The following ATR variants were observed in gnomAD, a reference collection of about 807,000 sequenced individuals.
ATR encodes the protein serine/threonine-protein kinase ATR.
ATR carries 142 observed loss-of-function variants against 305.3 expected under a neutral mutation model. That is an observed-to-expected ratio of 0.47 (90% CI 0.41 to 0.53). The LOEUF is 0.53. Among genes scored for constraint, ATR ranks in the 20% least tolerant of loss-of-function variants. The pLI is 0.00. For synonymous variants in ATR, 1,050 were observed against 1,068.1 expected (o/e 0.98, Z 0.33); for missense variants, 2,135 against 3,133.1 (o/e 0.68, Z 7.60).
At chr3:142,524,350 G>T (rs1046251186) in intron 21 of ATR, 151 bp from the exon 22 acceptor site, 3 of 712,440 alleles carry the variant, frequency 4.2e-6, no homozygotes, top group African/African-American at 3.6e-5. Context: ...GCTAGTTTTT[G>T]ATGAGTTCAC....
In ATR at chr3:142,562,464, A is replaced by C; in HGVS notation, c.938T>G (p.Ile313Ser). The C allele has an allele frequency of 6.2e-7, 1 of 1,614,144 alleles. No individual in the cohort carries two copies. Among genetic ancestry groups the C allele is most frequent in the Non-Finnish European group, 8.5e-7 (1 of 1,179,982 alleles). Reference sequence around the variant, plus strand: ...CAGCATATTTAAATAGACAGGTTCAATATTTCTATAAGCTTCTGCTTCAAA... The same window carrying C: ...CAGCATATTTAAATAGACAGGTTCACTATTTCTATAAGCTTCTGCTTCAAA... ...FPFEAEAYRN[I>S]EPVYLNMLLE... The change falls in exon 4 of 47, where the codon ATT becomes AGT. Residue 313 changes from isoleucine to serine, a missense_variant. Around this residue, in one of 9 missense-constraint regions of ATR, gnomAD observed 744 missense variants for 873.2 expected, o/e 0.85. Coordinates refer to ENST00000350721, the MANE Select transcript of ATR (RefSeq NM_001184.4).
chr3:142,469,105 T>C (rs1044708633), intron 38 of ATR, among the ~76,000 whole-genome samples: 1 of 152,210 alleles, frequency 6.6e-6, no homozygotes, highest in Non-Finnish European at 1.5e-5. Context: ...AGAAAACACA[T>C]GCTGAATTAT....
Position 142,562,252 on chromosome 3 carries a change from C to T in ATR, c.1150G>A (p.Gly384Arg). The T allele has an allele frequency of 6.2e-7, 1 of 1,614,026 alleles. No homozygotes were observed. The highest frequency in any genetic ancestry group is 8.5e-7 in the Non-Finnish European group (1 of 1,179,974). ...NICKALLDVL[G>R]IEVDAEYLLG... Reference sequence around the variant, plus strand: ...CTTACCTCTGCATCTACCTCAATTCCAAGCACATCCAAAAGAGCTTTACAA... The same window carrying T: ...CTTACCTCTGCATCTACCTCAATTCTAAGCACATCCAAAAGAGCTTTACAA... Residue 384 changes from glycine to arginine, a missense_variant, in exon 4 of 47, where the codon GGA (glycine) becomes AGA (arginine). Physicochemically the swap from Gly to Arg is moderately radical, Grantham distance 125. Coordinates refer to ENST00000350721, the MANE Select transcript of ATR (RefSeq NM_001184.4).
chr3:142,452,900 G>T (rs2070823640), intron 46 of ATR: 1 of 1,374,048 alleles, frequency 7.3e-7, no homozygotes, highest in Non-Finnish European at 9.4e-7. Context: ...GGTTAAACAA[G>T]TGTGCCATGA....
At chr3:142,575,808 GGTCA>G (rs1257761177) in intron 1 of ATR, among the ~76,000 whole-genome samples, 1 of 152,190 alleles carries the variant, frequency 6.6e-6, no homozygotes, top group Non-Finnish European at 1.5e-5. Context: ...GGAGAAACAA[GGTCA>G]GTATCACTAG....
At chr3:142,577,472 TA>T (rs1161421778) in intron 1 of ATR, among the ~76,000 whole-genome samples, 1 of 152,204 alleles carries the variant, frequency 6.6e-6, no homozygotes, top group Non-Finnish European at 1.5e-5. Flanking sequence ...TTTTATAAAC[TA>T]AACACAAAGT....
intron 5 of ATR, 120 bp downstream of exon 5, chr3:142,561,123 C>T: frequency 5.3e-6 from 6 of 1,137,788 alleles, no homozygotes; most frequent in Non-Finnish European, 6.4e-6. Flanking sequence ...ACTCCCTTGG[C>T]TACATTTAGA....
At position 142,524,182 on chromosome 3, in the gene ATR, A is replaced by G. The variant is rs1295861951; in HGVS notation, c.3963T>C (p.Tyr1321=). The change falls in exon 22 of 47, where the codon TAT becomes TAC. Residue 1321 remains tyrosine, a synonymous_variant. Coordinates refer to ENST00000350721, the MANE Select transcript of ATR (RefSeq NM_001184.4). ...LYKNQEKLIK[Y]ATDSETVEPI... is the part of the protein sequence containing the mutation. ...GTTCTACTGTTTCACTGTCTGTTGC[A>G]TACTTTATCAGTTTTTCCTAAAATA... is the stretch of plus-strand genomic sequence containing the variant. 13 of 1,613,374 alleles carry G rather than the reference A, an allele frequency of 8.1e-6. No homozygotes were observed. The highest frequency in any genetic ancestry group is 2.7e-5 in the African/African-American group (2 of 74,926).
intron 21 of ATR, among the ~76,000 whole-genome samples, chr3:142,533,955 G>A (rs2033757912): frequency 6.6e-6 from 1 of 151,756 alleles, no homozygotes; most frequent in East Asian, 1.9e-4. Flanking sequence ...AAATCTTCTT[G>A]AATTCTCAGA....
intron 27 of ATR, 74 bp from the exon 28 acceptor site, chr3:142,508,183 G>T: frequency 7.8e-7 from 1 of 1,289,230 alleles, no homozygotes; most frequent in Non-Finnish European, 1.1e-6. Context: ...AAGTATTTAA[G>T]TTCAATTTAT....
intron 24 of ATR, among the ~76,000 whole-genome samples, chr3:142,518,802 G>T (rs1021006385): frequency 2.6e-5 from 4 of 152,010 alleles, no homozygotes; most frequent in African/African-American, 9.7e-5. Flanking sequence ...TTTCTAAATA[G>T]AAATAATTTA....
chr3:142,571,362 A>G (rs1027097702), intron 1 of ATR, among the ~76,000 whole-genome samples: 9 of 152,172 alleles, frequency 5.9e-5, no homozygotes, highest in African/African-American at 1.9e-4. Flanking sequence ...GCTGCTCAGG[A>G]GGCTGAGGCA....
At position 142,513,563 on chromosome 3, in the gene ATR, A is replaced by G. The variant is rs760453297; in HGVS notation, c.4579T>C (p.Tyr1527His). Residue 1527 changes from tyrosine to histidine, a missense_variant, in exon 26 of 47, where the codon TAT (tyrosine) becomes CAT (histidine). Physicochemically the swap from Tyr to His is moderately conservative, Grantham distance 83 (BLOSUM62 2). Coordinates refer to ENST00000350721, the MANE Select transcript of ATR (RefSeq NM_001184.4). ...TACACCAGAATATGTGGAAGAAGAT[A>G]GATGGTCACTTTGAAATCATGCTTC... Reference protein sequence around the residue: ...MMKHDFKVTIYLLPHILVYVL... With the variant: ...MMKHDFKVTIHLLPHILVYVL... 2.0e-5 allele frequency: 32 copies of G among 1,613,212 alleles called. No homozygotes were observed. The highest frequency in any genetic ancestry group is 2.7e-5 in the Non-Finnish European group (32 of 1,179,266).
intron 24 of ATR, among the ~76,000 whole-genome samples, chr3:142,516,693 A>T (rs970985948): frequency 6.6e-6 from 1 of 152,052 alleles, no homozygotes; most frequent in Non-Finnish European, 1.5e-5. Flanking sequence ...CCCTATTGCA[A>T]AAAAAGAGAT....
chr3:142,531,218 C>G (rs887338077), intron 21 of ATR, among the ~76,000 whole-genome samples: 1 of 151,976 alleles, frequency 6.6e-6, no homozygotes, highest in Non-Finnish European at 1.5e-5. Context: ...CTAAGACAAC[C>G]TGAAAGTCTC....
chr3:142,567,585 T>C (rs2035117925), intron 2 of ATR, among the ~76,000 whole-genome samples: 1 of 152,204 alleles, frequency 6.6e-6, no homozygotes, highest in African/African-American at 2.4e-5. Context: ...GCCAGGTTGG[T>C]AATATTCTGT....
In ATR at chr3:142,449,390, CT is replaced by C. The variant is rs751102362; in HGVS notation, c.*38del. ...CCACAGATTCATACCAAATGCATTA[CT>C]TTTAGATTATTAACATATTCTTTTA... On this transcript the variant is annotated 3_prime_UTR_variant, in exon 47 of 47. Transcript: ENST00000350721. 2.5e-5 allele frequency: 39 copies of C among 1,556,090 alleles called. No homozygotes were observed. The highest frequency in any genetic ancestry group is 3.1e-5 in the Non-Finnish European group (35 of 1,127,984).
chr3:142,495,669 G>A (rs1345001011), intron 34 of ATR, among the ~76,000 whole-genome samples: 4 of 152,026 alleles, frequency 2.6e-5, no homozygotes, highest in Non-Finnish European at 4.4e-5. Flanking sequence ...ACTTGAACTC[G>A]GGAGGCAGAG....
In ATR at chr3:142,505,166, G is replaced by C. The variant is rs2108355268; in HGVS notation, c.5169C>G (p.Asp1723Glu). 1 of 1,614,134 alleles carries C rather than the reference G, an allele frequency of 6.2e-7. No individual in the cohort carries two copies. Among genetic ancestry groups the C allele is most frequent in the Non-Finnish European group, 8.5e-7 (1 of 1,180,016 alleles). ...GGTCTGGTTCTAGCTGAATAGCCCTGTCATAACAAGCAGTGGCATCCCTCA... is the reference window on the plus strand; with the variant it reads ...GGTCTGGTTCTAGCTGAATAGCCCTCTCATAACAAGCAGTGGCATCCCTCA... ...GLLRDATACY[D>E]RAIQLEPDQI... Residue 1723 changes from aspartate to glutamate, a missense_variant, in exon 29 of 47, where the codon GAC (aspartate) becomes GAG (glutamate). By Grantham distance (45) the Asp-to-Glu change is conservative. Around this residue, in one of 9 missense-constraint regions of ATR, gnomAD observed 117 missense variants for 198.3 expected, o/e 0.59. Transcript: ENST00000350721.
Sources: allele counts gnomAD v4.1 joint callset (sites outside exome capture counted in the v4.1 genomes callset), GRCh38; gene constraint gnomAD v4.1.1; regional missense constraint gnomAD v4.1.1; transcripts MANE v1.5; gene names NCBI Gene and HGNC (gene_info 2026-07-23, HGNC 2026-07-21).